Variants in HEATR3 observed in about 807,000 individuals in gnomAD.
The protein encoded by HEATR3 is HEAT repeat containing 3, also known as HEAT repeat-containing protein 3.
In HEATR3, 56 loss-of-function variants were observed where a neutral mutation model predicts 72.8. The observed-to-expected ratio is 0.77, with a 90% confidence interval of 0.62 to 0.96. HEATR3 has a LOEUF of 0.96. Among genes scored for constraint, HEATR3 ranks in the 40% least tolerant of loss-of-function variants. The pLI, the probability that HEATR3 is intolerant of heterozygous loss-of-function variation, is 0.00. For synonymous variants in HEATR3, 331 were observed against 318.1 expected (o/e 1.04, Z -0.43); for missense variants, 747 against 831.4 (o/e 0.90, Z 1.25).
In HEATR3 at chr16:50,066,343, G is replaced by C. The variant is rs748952946; in HGVS notation, c.139-24G>C. The C allele has an allele frequency of 5.1e-6, 8 of 1,560,544 alleles. No individual in the cohort carries two copies. In the South Asian group the frequency reaches 9.3e-5, roughly 18 times the overall value. ...CGCGCGTGCGCATTGCGCGCCTTCT[G>C]ACCCTTTTCGCTCTCATCCGCAGCT... On this transcript the variant is annotated intron_variant, in intron 1 of 14. Coordinates refer to ENST00000299192, the MANE Select transcript of HEATR3 (RefSeq NM_182922.4).
At chr16:50,075,460 A>T in intron 5 of HEATR3, 111 bp from the exon 6 acceptor site, 1 of 992,212 alleles carries the variant, frequency 1.0e-6, no homozygotes. Context: ...CAAAACCTAC[A>T]TGTGTCTAAT....
chr16:50,097,459 A>G (rs1215024511), intron 12 of HEATR3, among the ~76,000 whole-genome samples: 1 of 146,268 alleles, frequency 6.8e-6, no homozygotes. Flanking sequence ...ATTTCATTCC[A>G]TTATAGTCAT....
intron 13 of HEATR3, chr16:50,100,635 T>C: frequency 2.4e-6 from 1 of 409,314 alleles, no homozygotes; most frequent in Non-Finnish European, 4.3e-6. Context: ...AATCTGTCTT[T>C]AGTGAAAGGG....
intron 2 of HEATR3, 27 bp downstream of exon 2, chr16:50,066,566 G>A (rs1005261687): frequency 1.6e-6 from 2 of 1,275,538 alleles, no homozygotes; most frequent in Non-Finnish European, 2.0e-6. Flanking sequence ...GCGGGGCGGT[G>A]CCCACCGCTG....
At chr16:50,079,144 A>C (rs2036810101) in intron 7 of HEATR3, 126 bp downstream of exon 7, 1 of 884,216 alleles carries the variant, frequency 1.1e-6, no homozygotes, top group Non-Finnish European at 1.7e-6. Flanking sequence ...GGTAAAAATG[A>C]GTCATATTTT....
chr16:50,102,660 CTTT>C (rs1047175707), intron 14 of HEATR3, among the ~76,000 whole-genome samples: 3 of 152,214 alleles, frequency 2.0e-5, no homozygotes, highest in Middle Eastern at 3.4e-3. Context: ...ACAAGTTCTT[CTTT>C]TTTTAAGTTT....
intron 14 of HEATR3, among the ~76,000 whole-genome samples, chr16:50,102,821 G>C (rs2037398457): frequency 6.6e-6 from 1 of 152,014 alleles, no homozygotes; most frequent in Non-Finnish European, 1.5e-5. Flanking sequence ...GGAGTGCAGT[G>C]GTGCGATCTT....
In HEATR3 at chr16:50,078,971, CATAAAA is replaced by C; in HGVS notation, c.995_1000del (p.His332_Lys333del). ...AGATGATGAAATGGAAGGAATTTCT[CATAAAA>C]GAAGAGTCAGAAGGAAAACTTTCGT... On this transcript the variant is annotated inframe_deletion, in exon 7 of 15. Transcript: ENST00000299192. The C allele has an allele frequency of 6.2e-7, 1 of 1,613,684 alleles. No homozygotes were observed. The highest frequency in any genetic ancestry group is 1.3e-5 in the African/African-American group (1 of 74,994).
At chr16:50,069,893 A>T (rs1441571651) in intron 3 of HEATR3, among the ~76,000 whole-genome samples, 2 of 152,244 alleles carry the variant, frequency 1.3e-5, no homozygotes, top group Non-Finnish European at 2.9e-5. Context: ...ATGACTTGAT[A>T]CATGTAAAAT....
chr16:50,072,561 T>C (rs758429639), intron 4 of HEATR3, 44 bp from the exon 5 acceptor site: 1 of 1,258,308 alleles, frequency 7.9e-7, no homozygotes, highest in Non-Finnish European at 1.2e-6. Flanking sequence ...TTTCCTACTG[T>C]TAAAATGTGA....
At chr16:50,080,453 G>T (rs1236626535) in intron 7 of HEATR3, among the ~76,000 whole-genome samples, 1 of 150,468 alleles carries the variant, frequency 6.6e-6, no homozygotes, top group Non-Finnish European at 1.5e-5. Context: ...CAATTCTCCT[G>T]CCTTAGCCTC....
At chr16:50,075,495 A>G in intron 5 of HEATR3, 76 bp from the exon 6 acceptor site, 1 of 1,330,830 alleles carries the variant, frequency 7.5e-7, no homozygotes, top group Non-Finnish European at 1.1e-6. Context: ...ACAATGTTTT[A>G]TTGATGAGTT....
intron 2 of HEATR3, 55 bp downstream of exon 2, chr16:50,066,594 G>A: frequency 8.0e-7 from 1 of 1,254,932 alleles, no homozygotes; most frequent in Non-Finnish European, 1.0e-6. Flanking sequence ...CCGCGTCTGG[G>A]CTGCGGGCGG....
At chr16:50,102,544 A>G (rs2037392395) in intron 14 of HEATR3, 109 bp downstream of exon 14, 3 of 899,310 alleles carry the variant, frequency 3.3e-6, no homozygotes, top group Admixed American at 2.4e-5. Context: ...ACGAATCCCC[A>G]TATGTAGCAC....
At chr16:50,084,504 A>C (rs2036944634) in intron 9 of HEATR3, 65 bp from the exon 10 acceptor site, 2 of 1,233,940 alleles carry the variant, frequency 1.6e-6, no homozygotes, top group East Asian at 4.6e-5. Context: ...TGTTGGAATT[A>C]TGTAAGGGAA....
rs1452231141 is a variant in HEATR3 at position 50,066,067 on chromosome 16, G to A, written c.-65G>A. 103 of 1,515,352 alleles carry A rather than the reference G, an allele frequency of 6.8e-5. 2 individuals are homozygous for A. In the South Asian group the frequency reaches 1.2e-3, roughly 17 times the overall value. 93.9% of individuals were successfully genotyped at this position (1,515,352 alleles called of 1,614,324 possible). ...CAGCAACGGACCTTGTTAACGGCGC[G>A]GCAGCCTCCACCGCCTGCTGTTGCC... On this transcript the variant is annotated 5_prime_UTR_variant, in exon 1 of 15. Transcript: ENST00000299192.
intron 6 of HEATR3, among the ~76,000 whole-genome samples, chr16:50,078,438 A>G (rs2036789264): frequency 1.3e-5 from 2 of 152,216 alleles, no homozygotes; most frequent in Admixed American, 1.3e-4. Flanking sequence ...AATGAAAGAA[A>G]GTGATGCCAC....
chr16:50,071,103 G>A (rs1235691420), intron 4 of HEATR3, among the ~76,000 whole-genome samples: 5 of 152,174 alleles, frequency 3.3e-5, no homozygotes, highest in Admixed American at 6.5e-5. Context: ...TTCTGTGATT[G>A]TAGCAGTGGT....
chr16:50,071,412 C>G (rs1359482188), intron 4 of HEATR3, among the ~76,000 whole-genome samples: 1 of 152,172 alleles, frequency 6.6e-6, no homozygotes, highest in African/African-American at 2.4e-5. Context: ...GGCATTTGAG[C>G]AAAAACTGAT....
Sources: allele counts gnomAD v4.1 joint callset (sites outside exome capture counted in the v4.1 genomes callset), GRCh38; gene constraint gnomAD v4.1.1; transcripts MANE v1.5; gene names NCBI Gene and HGNC (gene_info 2026-07-23, HGNC 2026-07-21).